FAM133A: variants seen among roughly 807,000 people sequenced by gnomAD.
The protein encoded by FAM133A is protein FAM133A.
For synonymous variants in FAM133A, 65 were observed against 58.6 expected, an observed-to-expected ratio of 1.11 and a Z score of -0.50; for missense variants, 159 against 164.4, an observed-to-expected ratio of 0.97 and a Z score of 0.18.
At chrX:93,701,995 A>G (rs1347324575) in intron 3 of FAM133A, among the ~76,000 whole-genome samples, 1 of 112,224 alleles carries the variant, frequency 8.9e-6, no homozygotes, top group African/African-American at 3.2e-5. Flanking sequence ...ATGATGACTC[A>G]GTCATATCAC....
chrX:93,679,149 T>G (rs1924926354), intron 2 of FAM133A, among the ~76,000 whole-genome samples: 1 of 111,325 alleles, frequency 9.0e-6, no homozygotes, highest in East Asian at 2.8e-4. Context: ...TTCTCACTCC[T>G]GATAAAGAGA....
intron 2 of FAM133A, among the ~76,000 whole-genome samples, chrX:93,696,874 C>T (rs1388411201): frequency 9.2e-6 from 1 of 108,190 alleles, no homozygotes; most frequent in Admixed American, 9.8e-5. Context: ...GAGCCGAGAT[C>T]GCGCCACTGC....
At position 93,710,215 on chromosome X, in the gene FAM133A, T is replaced by C. The variant is rs769441118; in HGVS notation, c.*49T>C. On this transcript the variant is annotated 3_prime_UTR_variant, in exon 4 of 4. Transcript: ENST00000683942. ...AGTTTGCCGAGTTCCCCTGTGTTAG[T>C]AGAATTATTTCTGGACTTTGAGTTG... The C allele has an allele frequency of 2.7e-6, 3 of 1,114,095 alleles. No homozygotes were observed. Among genetic ancestry groups the C allele is most frequent in the Non-Finnish European group, 3.5e-6 (3 of 852,854 alleles). 91.8% of individuals were successfully genotyped at this position (1,114,095 alleles called of 1,213,427 possible).
chrX:93,703,816 C>A (rs1465314064), intron 3 of FAM133A, among the ~76,000 whole-genome samples: 1 of 112,234 alleles, frequency 8.9e-6, no homozygotes, highest in Non-Finnish European at 1.9e-5. Flanking sequence ...CAGATATCAT[C>A]CTTAAGATGG....
chrX:93,692,109 T>C (rs893609608), intron 2 of FAM133A, among the ~76,000 whole-genome samples: 2 of 111,693 alleles, frequency 1.8e-5, no homozygotes, highest in African/African-American at 6.5e-5. Context: ...TTTCAGATTT[T>C]GGATTTTTTT....
chrX:93,674,875 G>A (rs967678962), intron 2 of FAM133A, 123 bp downstream of exon 2: 3 of 111,027 alleles, frequency 2.7e-5, no homozygotes, highest in Non-Finnish European at 5.7e-5. Context: ...ATAATTCTAT[G>A]GAAACAGGAA....
intron 3 of FAM133A, among the ~76,000 whole-genome samples, chrX:93,705,498 G>A (rs1436318860): frequency 3.6e-5 from 4 of 111,366 alleles, no homozygotes; most frequent in African/African-American, 1.3e-4. Context: ...ACACTTACAT[G>A]GTGACAACAC....
chrX:93,688,687 A>C (rs1468729801), intron 2 of FAM133A, among the ~76,000 whole-genome samples: 1 of 111,506 alleles, frequency 9.0e-6, no homozygotes, highest in African/African-American at 3.3e-5. Flanking sequence ...TCATTAATTT[A>C]AATCAATATT....
intron 3 of FAM133A, among the ~76,000 whole-genome samples, chrX:93,705,078 G>A (rs1335277609): frequency 2.7e-5 from 3 of 110,695 alleles, no homozygotes; most frequent in African/African-American, 9.9e-5. Context: ...CATCTCCCCA[G>A]TCATGATTAT....
intron 2 of FAM133A, among the ~76,000 whole-genome samples, chrX:93,697,167 T>TTATATATATATATATATA (rs767010042): frequency 1.5e-3 from 144 of 93,664 alleles, no homozygotes; most frequent in African/African-American, 5.7e-3. Context: ...TATAGGCAAG[T>TTATATATATATATATATA]TATATATATA....
intron 2 of FAM133A, among the ~76,000 whole-genome samples, chrX:93,688,789 C>A (rs1925703501): frequency 9.1e-6 from 1 of 110,278 alleles, no homozygotes; most frequent in Admixed American, 9.8e-5. Context: ...GAGTAGCTCA[C>A]AATCTAATTT....
chrX:93,695,673 G>T (rs1291262615), intron 2 of FAM133A, among the ~76,000 whole-genome samples: 1 of 73,834 alleles, frequency 1.4e-5, no homozygotes, highest in African/African-American at 5.4e-5. Flanking sequence ...ACAGAGTCTC[G>T]CTCTTTCGCC....
At chrX:93,706,015 A>G (rs886758880) in intron 3 of FAM133A, among the ~76,000 whole-genome samples, 1 of 111,753 alleles carries the variant, frequency 8.9e-6, no homozygotes, top group South Asian at 3.7e-4. Flanking sequence ...CTTTTAACCC[A>G]CTGTCACCTG....
rs1927365342 is a variant in FAM133A, at chrX:93,710,302, TTTTG to T, written c.*145_*148del. The T allele has an allele frequency of 8.8e-6, 6 of 678,247 alleles. No individual in the cohort carries two copies. The highest frequency in any genetic ancestry group is 2.3e-5 in the African/African-American group (1 of 43,852). The allele number at this position is 678,247 out of a possible 1,213,427, so 55.9% of individuals were successfully genotyped here. A position where few individuals can be genotyped will look rare whatever the true frequency, so the allele number is the denominator to read the frequency against. ...GGCTGCTGGCAACTTCAATATACAT[TTTTG>T]TTTGTTTGCTTGTCCTTCCTTCTAA... is the stretch of plus-strand genomic sequence containing the variant. On this transcript the variant is annotated 3_prime_UTR_variant, in exon 4 of 4. Transcript: ENST00000683942.
intron 2 of FAM133A, among the ~76,000 whole-genome samples, chrX:93,683,641 A>T (rs1925314962): frequency 8.9e-6 from 1 of 111,926 alleles, no homozygotes; most frequent in Admixed American, 9.5e-5. Context: ...AAAGTGTATA[A>T]GAGTTCCCTT....
Position 93,709,696 on chromosome X carries a change from A to G in FAM133A, c.277A>G (p.Arg93Gly), listed in dbSNP as rs778393018. ...TGAGAGCTCATCTAAAAAAAGAGAAAGAAAGAAAAAGAGAAAGAAGAAATC... is the reference window on the plus strand; with the variant it reads ...TGAGAGCTCATCTAAAAAAAGAGAAGGAAAGAAAAAGAGAAAGAAGAAATC... ...GNESSSKKRE[R>G]KKKRKKKSCR... The change falls in exon 4 of 4, where the codon AGA becomes GGA. Residue 93 changes from arginine to glycine, a missense_variant. Arg to Gly is a moderately radical substitution (Grantham distance 125). Coordinates refer to ENST00000683942, the MANE Select transcript of FAM133A (RefSeq NM_001171109.2). The G allele has an allele frequency of 8.4e-7, 1 of 1,195,798 alleles. No homozygotes were observed.
intron 2 of FAM133A, among the ~76,000 whole-genome samples, chrX:93,676,273 T>C (rs1000525225): frequency 1.8e-5 from 2 of 111,336 alleles, no homozygotes; most frequent in Non-Finnish European, 3.8e-5. Context: ...AGGCAATACA[T>C]TGAAATACAA....
At chrX:93,681,436 C>T (rs777272771) in intron 2 of FAM133A, among the ~76,000 whole-genome samples, 1 of 110,975 alleles carries the variant, frequency 9.0e-6, no homozygotes, top group Non-Finnish European at 1.9e-5. Context: ...TCATTAGGTA[C>T]CTCCTCTCAG....
At chrX:93,675,394 G>A (rs1338804186) in intron 2 of FAM133A, among the ~76,000 whole-genome samples, 1 of 111,426 alleles carries the variant, frequency 9.0e-6, no homozygotes, top group Admixed American at 9.5e-5. Flanking sequence ...CATGGCAAAT[G>A]ATCGACATCT....
Sources: allele counts gnomAD v4.1 joint callset (sites outside exome capture counted in the v4.1 genomes callset), GRCh38; gene constraint gnomAD v4.1.1; transcripts MANE v1.5; gene names NCBI Gene and HGNC (gene_info 2026-07-23, HGNC 2026-07-21).